Variants in SLC13A1 observed in about 807,000 individuals in gnomAD.
SLC13A1 encodes the protein solute carrier family 13 member 1.
A neutral mutation model predicts 70.0 loss-of-function variants in SLC13A1; 65 were observed. The ratio of observed to expected loss-of-function variants is 0.93; its 90% CI spans 0.76 to 1.14. The LOEUF is 1.14. SLC13A1 is among the 50% of genes most tolerant of loss of function. The pLI is 0.00. For synonymous variants in SLC13A1, 275 were observed against 250.5 expected, an observed-to-expected ratio of 1.10 and a Z score of -0.92; for missense variants, 726 against 717.8, an observed-to-expected ratio of 1.01 and a Z score of -0.13.
At chr7:123,146,799 G>A (rs1388821176) in intron 7 of SLC13A1, among the ~76,000 whole-genome samples, 1 of 152,052 alleles carries the variant, frequency 6.6e-6, no homozygotes, top group African/African-American at 2.4e-5. Flanking sequence ...TTCACATGTT[G>A]GTCCCCAAAC....
chr7:123,171,290 A>C (rs967074214), intron 3 of SLC13A1, among the ~76,000 whole-genome samples: 9 of 152,242 alleles, frequency 5.9e-5, no homozygotes, highest in Non-Finnish European at 1.3e-4. Context: ...GTTGGTTTAA[A>C]AAGAAAAATA....
At chr7:123,136,990 G>A (rs1793971058) in intron 7 of SLC13A1, among the ~76,000 whole-genome samples, 1 of 152,174 alleles carries the variant, frequency 6.6e-6, no homozygotes, top group Non-Finnish European at 1.5e-5. Flanking sequence ...GTGAAGGTGA[G>A]TGTGACATGA....
At chr7:123,162,493 A>C (rs1312060536) in intron 6 of SLC13A1, among the ~76,000 whole-genome samples, 1 of 152,092 alleles carries the variant, frequency 6.6e-6, no homozygotes, top group Non-Finnish European at 1.5e-5. Flanking sequence ...CCACTGCATG[A>C]ATAAAAGGAA....
At chr7:123,127,948 G>A (rs1793617368) in intron 10 of SLC13A1, among the ~76,000 whole-genome samples, 1 of 149,712 alleles carries the variant, frequency 6.7e-6, no homozygotes, top group Admixed American at 6.7e-5. Flanking sequence ...AGATAGATTG[G>A]GAACACAAAT....
intron 13 of SLC13A1, among the ~76,000 whole-genome samples, chr7:123,118,132 G>C (rs1793244107): frequency 6.6e-6 from 1 of 152,022 alleles, no homozygotes; most frequent in Non-Finnish European, 1.5e-5. Context: ...GCTCAGGTAG[G>C]TTTTCAAGTC....
intron 2 of SLC13A1, among the ~76,000 whole-genome samples, chr7:123,172,929 C>T (rs779881604): frequency 6.6e-6 from 1 of 152,032 alleles, no homozygotes; most frequent in African/African-American, 2.4e-5. Flanking sequence ...AGGGGGATAT[C>T]ATATACTACA....
chr7:123,138,018 T>C (rs946509540), intron 7 of SLC13A1, among the ~76,000 whole-genome samples: 1 of 152,168 alleles, frequency 6.6e-6, no homozygotes, highest in African/African-American at 2.4e-5. Flanking sequence ...TTATTCATTC[T>C]TTCTGCCAAT....
intron 6 of SLC13A1, among the ~76,000 whole-genome samples, chr7:123,157,263 G>A (rs147278408): frequency 1.1e-3 from 161 of 152,218 alleles, no homozygotes; most frequent in African/African-American, 3.6e-3. Flanking sequence ...AGAATTCAGA[G>A]GAGTTGGTAG....
intron 1 of SLC13A1, among the ~76,000 whole-genome samples, chr7:123,186,087 T>C (rs1795787400): frequency 6.6e-6 from 1 of 152,060 alleles, no homozygotes; most frequent in South Asian, 2.1e-4. Flanking sequence ...AGAAGGTTAA[T>C]TCAAACACAA....
intron 7 of SLC13A1, among the ~76,000 whole-genome samples, chr7:123,146,869 G>C (rs1794372124): frequency 6.6e-6 from 1 of 151,922 alleles, no homozygotes; most frequent in African/African-American, 2.4e-5. Context: ...ACCATTTGTG[G>C]TATTATTTTC....
In SLC13A1 at chr7:123,127,171, G is replaced by A. The variant is rs185411589; in HGVS notation, c.1134-1496C>T. ...CTTATATAAATTTTATTTGTTTTGG[G>A]TTTGCCAATTAGATTTATATTTTAA... is the stretch of plus-strand genomic sequence containing the variant. On this transcript the variant is annotated intron_variant, in intron 10 of 14. Coordinates refer to ENST00000194130, the MANE Select transcript of SLC13A1 (RefSeq NM_022444.4). 1.6e-4 allele frequency among the ~76,000 whole-genome samples: 24 copies of A among 152,014 alleles called. No homozygotes were observed. In the East Asian group the frequency reaches 3.7e-3, roughly 23 times the overall value.
At chr7:123,152,602 CACTAAA>C (rs1794592746) in intron 6 of SLC13A1, among the ~76,000 whole-genome samples, 1 of 152,010 alleles carries the variant, frequency 6.6e-6, no homozygotes, top group Admixed American at 6.6e-5. Context: ...AATTACTACT[CACTAAA>C]AGTCATCATA....
At chr7:123,118,277 G>C (rs1376673607) in intron 13 of SLC13A1, among the ~76,000 whole-genome samples, 1 of 152,106 alleles carries the variant, frequency 6.6e-6, no homozygotes, top group South Asian at 2.1e-4. Context: ...TTTTCTAACT[G>C]TTCCATGTTG....
chr7:123,150,638 T>G (rs1794522790), intron 6 of SLC13A1, among the ~76,000 whole-genome samples: 1 of 152,128 alleles, frequency 6.6e-6, no homozygotes, highest in Non-Finnish European at 1.5e-5. Context: ...ACAATGCACT[T>G]CCTGTGATTA....
chr7:123,187,475 CA>C (rs1419715572), intron 1 of SLC13A1, among the ~76,000 whole-genome samples: 1 of 152,086 alleles, frequency 6.6e-6, no homozygotes, highest in Non-Finnish European at 1.5e-5. Context: ...TATTTTTAAA[CA>C]AATAAAACAT....
chr7:123,147,515 G>A (rs1794402249), intron 6 of SLC13A1, among the ~76,000 whole-genome samples: 1 of 150,682 alleles, frequency 6.6e-6, no homozygotes, highest in African/African-American at 2.5e-5. Context: ...CATTATAAGA[G>A]GACACATGAG....
intron 12 of SLC13A1, 125 bp from the exon 13 acceptor site, chr7:123,119,367 C>A (rs1019303015): frequency 7.2e-5 from 54 of 747,394 alleles, no homozygotes; most frequent in Non-Finnish European, 9.9e-5. Flanking sequence ...TTTAATCTCT[C>A]TTTTTTTCTG....
At chr7:123,194,989 T>C (rs1355070164) in intron 1 of SLC13A1, among the ~76,000 whole-genome samples, 3 of 152,108 alleles carry the variant, frequency 2.0e-5, no homozygotes, top group African/African-American at 4.8e-5. Context: ...TGTGTTTAGG[T>C]ACAACCTACT....
intron 1 of SLC13A1, among the ~76,000 whole-genome samples, chr7:123,189,299 A>G (rs1795923136): frequency 2.0e-5 from 3 of 151,894 alleles, no homozygotes; most frequent in African/African-American, 7.2e-5. Context: ...ATTTTTGCCT[A>G]GTAATTCATG....
Sources: allele counts gnomAD v4.1 joint callset (sites outside exome capture counted in the v4.1 genomes callset), GRCh38; gene constraint gnomAD v4.1.1; transcripts MANE v1.5; gene names NCBI Gene and HGNC (gene_info 2026-07-23, HGNC 2026-07-21).